The following AFG3L2 variants were observed in gnomAD, a reference collection of about 807,000 sequenced individuals.
AFG3L2 encodes the protein mitochondrial inner membrane m-AAA protease component AFG3L2.
In AFG3L2, 54 loss-of-function variants were observed where a neutral mutation model predicts 94.5. The ratio of observed to expected loss-of-function variants is 0.57; its 90% CI spans 0.46 to 0.72. The LOEUF (loss-of-function observed/expected upper bound fraction) is 0.72. Among genes scored for constraint, AFG3L2 ranks in the 30% least tolerant of loss-of-function variants. AFG3L2 has a pLI of 0.00. For missense variants in AFG3L2, 754 were observed against 994.9 expected (o/e 0.76, Z 3.26); for synonymous variants, 377 against 365.5 (o/e 1.03, Z -0.36).
chr18:12,333,481 C>T (rs2143095826), intron 16 of AFG3L2, among the ~76,000 whole-genome samples: 1 of 150,642 alleles, frequency 6.6e-6, no homozygotes, highest in Non-Finnish European at 1.5e-5. Flanking sequence ...CCTCCCATCT[C>T]AGCCTCCAAG....
chr18:12,329,049 C>G lies in AFG3L2; in HGVS notation c.*516G>C, dbSNP rs1363078712. 1.4e-4 allele frequency: 94 copies of G among 678,154 alleles called. 1 individual carries two copies. Among genetic ancestry groups the G allele is most frequent in the South Asian group, 9.3e-4 (60 of 64,516 alleles). 42.0% of individuals were successfully genotyped at this position (678,154 alleles called of 1,614,324 possible). A position where few individuals can be genotyped will look rare whatever the true frequency, so the allele number is the denominator to read the frequency against. On this transcript the variant is annotated 3_prime_UTR_variant, in exon 17 of 17. Coordinates refer to ENST00000269143, the MANE Select transcript of AFG3L2 (RefSeq NM_006796.3). ...GTATGTTACAGCTCCTGTAGAAAAC[C>G]ATTCCATTAAGACAGCAACAAGTGA... is the stretch of plus-strand genomic sequence containing the variant.
At chr18:12,376,148 C>G (rs1418306583) in intron 1 of AFG3L2, among the ~76,000 whole-genome samples, 1 of 152,176 alleles carries the variant, frequency 6.6e-6, no homozygotes, top group Non-Finnish European at 1.5e-5. Context: ...ACAGTGAAGA[C>G]GTTGAGCTGA....
intron 7 of AFG3L2, among the ~76,000 whole-genome samples, chr18:12,359,275 A>G (rs73401926): frequency 6.6e-6 from 1 of 152,296 alleles, no homozygotes; most frequent in African/African-American, 2.4e-5. Context: ...TGTAAACATA[A>G]ATGATAGTTC....
At chr18:12,336,523 G>A (rs1269650893) in intron 16 of AFG3L2, among the ~76,000 whole-genome samples, 2 of 152,148 alleles carry the variant, frequency 1.3e-5, no homozygotes, top group South Asian at 2.1e-4. Flanking sequence ...CAAGGAGACC[G>A]ATTTGAGTAA....
intron 3 of AFG3L2, 114 bp from the exon 4 acceptor site, chr18:12,367,496 T>C: frequency 1.0e-6 from 1 of 972,110 alleles, no homozygotes; most frequent in Non-Finnish European, 1.6e-6. Context: ...CTGTGGCAAC[T>C]GATCAGTTAC....
chr18:12,355,044 C>T (rs1032643896), intron 9 of AFG3L2, among the ~76,000 whole-genome samples: 2 of 151,802 alleles, frequency 1.3e-5, no homozygotes, highest in African/African-American at 4.8e-5. Context: ...ATAGTGAAAC[C>T]CCATCTCTAC....
At chr18:12,351,505 T>A (rs781086009) in intron 10 of AFG3L2, 92 bp from the exon 11 acceptor site, 2 of 1,059,156 alleles carry the variant, frequency 1.9e-6, no homozygotes, top group Non-Finnish European at 2.9e-6. Flanking sequence ...TGCAAATTCA[T>A]AGCTACAGTA....
In AFG3L2 at chr18:12,331,801, A is replaced by G. The variant is rs527701063; in HGVS notation, c.2176-2018T>C. 2.7e-3 allele frequency among the ~76,000 whole-genome samples: 376 copies of G among 140,866 alleles called. 4 individuals are homozygous for G. The highest frequency in any genetic ancestry group is 0.01 in the African/African-American group (360 of 35,146). The allele number at this position is 140,866 out of a possible 152,430, so 92.4% of individuals were successfully genotyped here. A position where few individuals can be genotyped will look rare whatever the true frequency, so the allele number is the denominator to read the frequency against. On this transcript the variant is annotated intron_variant, in intron 16 of 16. Coordinates refer to ENST00000269143, the MANE Select transcript of AFG3L2 (RefSeq NM_006796.3). ...AGAGGGAGAGTCTGTCTAAAAGTAA[A>G]TAAATAAATATATATATATATATAT...
intron 5 of AFG3L2, among the ~76,000 whole-genome samples, chr18:12,366,123 G>A (rs931926096): frequency 2.0e-5 from 3 of 151,910 alleles, no homozygotes; most frequent in South Asian, 2.1e-4. Flanking sequence ...TGATTCACCC[G>A]CCTCGGCCTC....
At chr18:12,337,309 T>C (rs754320072) in intron 16 of AFG3L2, 32 bp downstream of exon 16, 3 of 1,603,028 alleles carry the variant, frequency 1.9e-6, no homozygotes, top group Non-Finnish European at 2.6e-6. Context: ...TTTGCAAAAC[T>C]GTAAAGAATT....
At chr18:12,333,206 A>T (rs1907630598) in intron 16 of AFG3L2, among the ~76,000 whole-genome samples, 1 of 122,218 alleles carries the variant, frequency 8.2e-6, no homozygotes, top group African/African-American at 3.2e-5. Flanking sequence ...ATAATAATCT[A>T]ATATATAATC....
chr18:12,329,718 G>A lies in AFG3L2; in HGVS notation c.2241C>T (p.Pro747=). The A allele has an allele frequency of 3.1e-6, 5 of 1,614,142 alleles. No homozygotes were observed. The highest frequency in any genetic ancestry group is 4.2e-6 in the Non-Finnish European group (5 of 1,180,028). ...DKNDMVELLG[P]RPFAEKSTYE... is the part of the protein sequence containing the mutation. Reference sequence around the variant, plus strand: ...AGGTAGATTTTTCCGCAAATGGTCTGGGGCCCAAAAGTTCAACCATATCAT... The same window carrying A: ...AGGTAGATTTTTCCGCAAATGGTCTAGGGCCCAAAAGTTCAACCATATCAT... Residue 747 remains proline (P), a synonymous_variant, in exon 17 of 17, where the codon CCC becomes CCT. Transcript: ENST00000269143.
chr18:12,361,634 C>G (rs568597680), intron 6 of AFG3L2, among the ~76,000 whole-genome samples: 10 of 152,278 alleles, frequency 6.6e-5, no homozygotes, highest in Admixed American at 1.3e-4. Flanking sequence ...GCGACAAAGT[C>G]AGACTCAGTC....
In AFG3L2 at chr18:12,360,065, AAAAC is replaced by A; in HGVS notation, c.628-18_628-15del. On this transcript the variant is annotated splice_polypyrimidine_tract_variant and intron_variant, in intron 6 of 16. Coordinates refer to ENST00000269143, the MANE Select transcript of AFG3L2 (RefSeq NM_006796.3). The stretch of plus-strand genomic sequence containing the variant: ...CCAAACGTATTGCTATAAAAACAAA[AAAAC>A]AAATATCCTAAGAATGTAGTGAAAC... The A allele has an allele frequency of 6.2e-7, 1 of 1,613,386 alleles. No homozygotes were observed. Among genetic ancestry groups the A allele is most frequent in the Non-Finnish European group, 8.5e-7 (1 of 1,179,346 alleles).
chr18:12,368,483 C>T (rs935666603), intron 3 of AFG3L2, among the ~76,000 whole-genome samples: 3 of 152,226 alleles, frequency 2.0e-5, no homozygotes, highest in Admixed American at 6.5e-5. Context: ...TAAAAAAACA[C>T]ACCCACAGTT....
intron 6 of AFG3L2, among the ~76,000 whole-genome samples, chr18:12,360,567 G>A (rs185235184): frequency 6.6e-6 from 1 of 152,142 alleles, no homozygotes; most frequent in East Asian, 1.9e-4. Flanking sequence ...TTCAAAATCC[G>A]AGCACCGCAC....
chr18:12,332,969 T>C (rs77997183), intron 16 of AFG3L2, among the ~76,000 whole-genome samples: 13 of 28,244 alleles, frequency 4.6e-4, no homozygotes, highest in Admixed American at 1.0e-3. Context: ...TATAATATAT[T>C]ATATATTATA....
intron 2 of AFG3L2, 64 bp from the exon 3 acceptor site, chr18:12,370,990 T>G (rs1908971056): frequency 9.0e-7 from 1 of 1,115,848 alleles, no homozygotes; most frequent in South Asian, 1.4e-5. Context: ...GTGTTCATTT[T>G]GTTTTCAAAG....
At chr18:12,370,054 C>CCA (rs1442242605) in intron 3 of AFG3L2, among the ~76,000 whole-genome samples, 1 of 36,004 alleles carries the variant, frequency 2.8e-5, no homozygotes, top group African/African-American at 6.9e-5. Flanking sequence ...GACTCTGTCT[C>CCA]AAAAAAAAAA....
Sources: gnomAD v4.1 joint callset for allele counts (sites outside exome capture counted in the v4.1 genomes callset) on GRCh38, gnomAD v4.1.1 for gene constraint, MANE v1.5 for transcripts, NCBI Gene and HGNC (gene_info 2026-07-23, HGNC 2026-07-21) for gene names.